SYTL3: variants seen among roughly 807,000 people sequenced by gnomAD.
SYTL3 encodes the protein synaptotagmin like 3, also known as synaptotagmin-like protein 3.
SYTL3 carries 88 observed loss-of-function variants against 82.1 expected under a neutral mutation model. The ratio of observed to expected loss-of-function variants is 1.07; its 90% confidence interval spans 0.90 to 1.28. SYTL3 has a LOEUF of 1.28. Among genes scored for constraint, SYTL3 ranks in the 50% most tolerant of loss-of-function variants. SYTL3 has a pLI of 0.00. For missense variants in SYTL3, 831 were observed against 757.6 expected (o/e 1.10, Z -1.14); for synonymous variants, 311 against 289.4 (o/e 1.07, Z -0.76).
intron 6 of SYTL3, among the ~76,000 whole-genome samples, chr6:158,699,746 G>A (rs1044597189): frequency 1.5e-4 from 23 of 151,764 alleles, no homozygotes; most frequent in African/African-American, 4.8e-4. Context: ...TCAGGAGTTC[G>A]AGACCACCTT....
intron 6 of SYTL3, among the ~76,000 whole-genome samples, chr6:158,696,556 A>C (rs568065626): frequency 6.6e-6 from 1 of 152,038 alleles, no homozygotes; most frequent in South Asian, 2.1e-4. Context: ...AGCCACCCTA[A>C]TGGGTGTGAA....
At chr6:158,743,501 C>G (rs1787196054) in intron 11 of SYTL3, among the ~76,000 whole-genome samples, 1 of 151,844 alleles carries the variant, frequency 6.6e-6, no homozygotes, top group African/African-American at 2.4e-5. Flanking sequence ...TGGTTCTTCT[C>G]TCAGGCTGCT....
At chr6:158,691,270 C>G (rs185521789) in intron 6 of SYTL3, among the ~76,000 whole-genome samples, 1 of 152,000 alleles carries the variant, frequency 6.6e-6, no homozygotes, top group East Asian at 1.9e-4. Context: ...TCGCTTGAAC[C>G]TGGGAGGCGG....
At chr6:158,762,359 C>T (rs1344936520) in intron 16 of SYTL3, among the ~76,000 whole-genome samples, 181 bp downstream of exon 16, 4 of 152,092 alleles carry the variant, frequency 2.6e-5, no homozygotes, top group African/African-American at 9.7e-5. Context: ...GGGATGTGTA[C>T]ATGCTGGAGT....
chr6:158,756,441 G>A (rs1789074080), intron 13 of SYTL3, among the ~76,000 whole-genome samples: 1 of 152,240 alleles, frequency 6.6e-6, no homozygotes, highest in Non-Finnish European at 1.5e-5. Context: ...CTGGTGCAGT[G>A]GCTCACGCCT....
At position 158,760,755 on chromosome 6, in the gene SYTL3, C is replaced by G. The variant is rs751794963; in HGVS notation, c.1414+10C>G. ...CAAGAGGCTCAAGAAGGTCAGTGGC[C>G]TCCAGCTCCCTGGACATTGTCTGTG... On this transcript the variant is annotated intron_variant, in intron 15 of 17. Transcript: ENST00000611299. The G allele has an allele frequency of 6.3e-7, 1 of 1,598,146 alleles. No individual in the cohort carries two copies.
chr6:158,671,364 G>C (rs1777361673), intron 5 of SYTL3, among the ~76,000 whole-genome samples: 1 of 152,194 alleles, frequency 6.6e-6, no homozygotes, highest in Non-Finnish European at 1.5e-5. Flanking sequence ...ACGTAGTTCA[G>C]CTGAAACCTG....
intron 7 of SYTL3, among the ~76,000 whole-genome samples, chr6:158,707,892 C>T (rs1316330277): frequency 6.6e-6 from 1 of 152,202 alleles, no homozygotes; most frequent in Non-Finnish European, 1.5e-5. Context: ...CCTGTTCTTT[C>T]CCATTTCTTT....
At chr6:158,702,739 TAC>T (rs1722718604) in intron 6 of SYTL3, among the ~76,000 whole-genome samples, 1 of 152,034 alleles carries the variant, frequency 6.6e-6, no homozygotes, top group South Asian at 2.1e-4. Context: ...GTTATATTTG[TAC>T]ACTTTTTCTG....
intron 6 of SYTL3, among the ~76,000 whole-genome samples, chr6:158,705,304 AGGGCAGGAGGGACCTGG>A: frequency 6.4e-5 from 3 of 46,798 alleles, no homozygotes; most frequent in Non-Finnish European, 1.3e-4. Context: ...AAGGCCACAT[AGGGCAGGAGGGACCTGG>A]GGACAGGGTG....
chr6:158,719,493 G>A (rs571300521), intron 10 of SYTL3, among the ~76,000 whole-genome samples: 6 of 152,324 alleles, frequency 3.9e-5, no homozygotes, highest in African/African-American at 9.6e-5. Flanking sequence ...GGGATCTGGC[G>A]AAGTCTATGC....
chr6:158,719,122 A>G (rs1562419132), intron 10 of SYTL3, among the ~76,000 whole-genome samples: 1 of 152,226 alleles, frequency 6.6e-6, no homozygotes, highest in Non-Finnish European at 1.5e-5. Flanking sequence ...CTAATGAGAT[A>G]ATGTAGTATC....
chr6:158,651,846 G>C lies in SYTL3; in HGVS notation c.-637+4G>C, dbSNP rs1318045138. ...GTTCAACTTTGTCCTCTCTCAGGTA[G>C]GCTTCAAGTTTTATAGATTCAAGCC... On this transcript the variant is annotated splice_donor_region_variant and intron_variant, in intron 2 of 17. Coordinates refer to ENST00000611299, the MANE Select transcript of SYTL3 (RefSeq NM_001242394.2). 2.0e-5 allele frequency: 3 copies of C among 151,896 alleles called. No individual in the cohort carries two copies. The highest frequency in any genetic ancestry group is 7.2e-5 in the African/African-American group (3 of 41,494). The allele number at this position is 151,896 out of a possible 1,614,324, so 9.4% of individuals were successfully genotyped here. A position where few individuals can be genotyped will look rare whatever the true frequency, so the allele number is the denominator to read the frequency against.
In SYTL3 at chr6:158,665,475, C is replaced by T. The variant is rs140236569; in HGVS notation, c.191C>T (p.Ala64Val). Reference protein sequence around the residue: ...TDWEHKEKCCARCQQVLGFLL... With the variant: ...TDWEHKEKCCVRCQQVLGFLL... ...TGGGAGCACAAAGAGAAGTGCTGTGCGCGCTGCCAGCAGGTGCTGGGGTTC... is the reference window on the plus strand; with the variant it reads ...TGGGAGCACAAAGAGAAGTGCTGTGTGCGCTGCCAGCAGGTGCTGGGGTTC... The change falls in exon 5 of 18, where the codon GCG becomes GTG. Residue 64 changes from alanine to valine, a missense_variant. Ala to Val is a moderately conservative substitution (Grantham distance 64). Coordinates refer to ENST00000611299, the MANE Select transcript of SYTL3 (RefSeq NM_001242394.2). 134 of 1,607,376 alleles carry T rather than the reference C, an allele frequency of 8.3e-5. No individual in the cohort carries two copies. Among genetic ancestry groups the T allele is most frequent in the Non-Finnish European group, 1.0e-4 (118 of 1,177,128 alleles).
At chr6:158,688,757 G>T (rs79202371) in intron 6 of SYTL3, among the ~76,000 whole-genome samples, 1 of 152,060 alleles carries the variant, frequency 6.6e-6, no homozygotes, top group Non-Finnish European at 1.5e-5. Context: ...ATGCTTGTGG[G>T]TGCATATCTG....
chr6:158,716,655 A>G (rs1388935390), intron 9 of SYTL3, among the ~76,000 whole-genome samples: 1 of 152,184 alleles, frequency 6.6e-6, no homozygotes, highest in East Asian at 1.9e-4. Context: ...CCCTCTTTAG[A>G]TGAAAGAGAT....
In SYTL3 at chr6:158,693,855, C is replaced by CTTTT. The variant is rs575358067; in HGVS notation, c.394+10881_394+10884dup. ...TGCATCCAGCCTTTCTTTTTCTTTTCTTTTTTTTTTTTTTTTTTGTAGATA... is the reference window on the plus strand; with the variant it reads ...TGCATCCAGCCTTTCTTTTTCTTTTCTTTTTTTTTTTTTTTTTTTTTTGTAGATA... On this transcript the variant is annotated intron_variant, in intron 6 of 17. Coordinates refer to ENST00000611299, the MANE Select transcript of SYTL3 (RefSeq NM_001242394.2). Among the ~76,000 whole-genome samples, 111 of 96,848 alleles carry CTTTT rather than the reference C, an allele frequency of 1.1e-3. 1 individual carries two copies. The highest frequency in any genetic ancestry group is 1.5e-3 in the Non-Finnish European group (77 of 52,706). 63.5% of individuals were successfully genotyped at this position (96,848 alleles called of 152,430 possible). A position where few individuals can be genotyped will look rare whatever the true frequency, so the allele number is the denominator to read the frequency against.
intron 5 of SYTL3, among the ~76,000 whole-genome samples, chr6:158,675,344 A>G (rs1296754642): frequency 6.6e-6 from 1 of 152,204 alleles, no homozygotes; most frequent in Non-Finnish European, 1.5e-5. Flanking sequence ...ACAGCTTGAT[A>G]AAAACCCTTT....
At chr6:158,737,924 T>C (rs1245145186) in intron 11 of SYTL3, among the ~76,000 whole-genome samples, 1 of 152,230 alleles carries the variant, frequency 6.6e-6, no homozygotes, top group Admixed American at 6.5e-5. Flanking sequence ...CTTTCAGGTC[T>C]GCTTCTGATG....
Sources: gnomAD v4.1 joint callset for allele counts (sites outside exome capture counted in the v4.1 genomes callset) on GRCh38, gnomAD v4.1.1 for gene constraint, MANE v1.5 for transcripts, NCBI Gene and HGNC (gene_info 2026-07-23, HGNC 2026-07-21) for gene names.